The following DLC1 variants were observed in gnomAD, a reference collection of about 807,000 sequenced individuals.
The protein encoded by DLC1 is DLC1 Rho GTPase activating protein.
A neutral mutation model predicts 140.3 loss-of-function variants in DLC1; 54 were observed. The ratio of observed to expected loss-of-function variants is 0.38; its 90% CI spans 0.31 to 0.48. DLC1 has a LOEUF of 0.48. DLC1 is among the 20% of genes least tolerant of loss of function. DLC1 has a pLI of 0.96. For missense variants in DLC1, 2,536 were observed against 1,907.0 expected (o/e 1.33, Z -6.14); for synonymous variants, 986 against 728.1 (o/e 1.35, Z -5.70).
chr8:13,180,770 C>G (rs948326017), intron 5 of DLC1, among the ~76,000 whole-genome samples: 4 of 152,098 alleles, frequency 2.6e-5, no homozygotes, highest in Non-Finnish European at 5.9e-5. Flanking sequence ...AAACCAAAAC[C>G]ATCACATGAA....
At chr8:13,278,798 A>G (rs1831263356) in intron 5 of DLC1, among the ~76,000 whole-genome samples, 1 of 152,224 alleles carries the variant, frequency 6.6e-6, no homozygotes, top group Non-Finnish European at 1.5e-5. Context: ...ATAAGCATTC[A>G]TTAAGTCCCT....
intron 5 of DLC1, chr8:13,276,251 C>T: frequency 2.6e-6 from 4 of 1,535,430 alleles, no homozygotes; most frequent in Non-Finnish European, 1.7e-6. Flanking sequence ...CAATCCCCCT[C>T]TGCCTCTCAC....
intron 4 of DLC1, among the ~76,000 whole-genome samples, chr8:13,314,309 AATATACATATATATT>A (rs1832785811): frequency 6.7e-6 from 1 of 148,348 alleles, no homozygotes; most frequent in Non-Finnish European, 1.5e-5. Flanking sequence ...GTATATATAT[AATATACATATATATT>A]ATAAATATAT....
intron 5 of DLC1, among the ~76,000 whole-genome samples, chr8:13,199,587 T>C (rs1025776243): frequency 6.6e-6 from 1 of 152,200 alleles, no homozygotes. Context: ...GTATTTTTAA[T>C]ATACTTCAAC....
chr8:13,386,431 T>A (rs187889353), intron 4 of DLC1, among the ~76,000 whole-genome samples: 145 of 152,168 alleles, frequency 9.5e-4, no homozygotes, highest in African/African-American at 3.3e-3. Flanking sequence ...TATATCAAGA[T>A]ACAAGTTATT....
intron 2 of DLC1, among the ~76,000 whole-genome samples, chr8:13,434,800 T>C (rs1839042074): frequency 6.6e-6 from 1 of 152,260 alleles, no homozygotes; most frequent in South Asian, 2.1e-4. Context: ...CACCTCAGCC[T>C]CCTGAGTAGC....
intron 5 of DLC1, among the ~76,000 whole-genome samples, chr8:13,258,129 G>A (rs941910618): frequency 2.0e-5 from 3 of 152,172 alleles, no homozygotes; most frequent in Non-Finnish European, 4.4e-5. Context: ...CAAATCACAA[G>A]TGCAAGGGTA....
chr8:13,537,569 G>C (rs1018041959), intron 1 of DLC1, among the ~76,000 whole-genome samples: 3 of 150,654 alleles, frequency 2.0e-5, no homozygotes, highest in South Asian at 2.1e-4. Flanking sequence ...GATCAGTGCA[G>C]AGTGACAGTA....
At chr8:13,273,824 G>T (rs1027555245) in intron 5 of DLC1, among the ~76,000 whole-genome samples, 1 of 151,608 alleles carries the variant, frequency 6.6e-6, no homozygotes, top group Non-Finnish European at 1.5e-5. Context: ...AACTTAAAAT[G>T]TTATCCCACG....
intron 5 of DLC1, among the ~76,000 whole-genome samples, chr8:13,289,430 G>A (rs1043293001): frequency 6.6e-6 from 1 of 152,052 alleles, no homozygotes; most frequent in African/African-American, 2.4e-5. Flanking sequence ...GGCCTCAAGT[G>A]ATCCTCCTAC....
chr8:13,324,572 CAAAAAAA>C (rs5889431), intron 4 of DLC1, among the ~76,000 whole-genome samples: 2 of 110,266 alleles, frequency 1.8e-5, no homozygotes, highest in South Asian at 6.7e-4. Flanking sequence ...GACTCCGTCT[CAAAAAAA>C]AAAAAAAAAA....
intron 5 of DLC1, among the ~76,000 whole-genome samples, chr8:13,196,934 T>C (rs531977413): frequency 1.3e-5 from 2 of 152,254 alleles, no homozygotes; most frequent in African/African-American, 2.4e-5. Flanking sequence ...TTCTACAGTT[T>C]ATTTTTTCTT....
At chr8:13,464,776 ATATATATATATATAT>A (rs1799853954) in intron 2 of DLC1, among the ~76,000 whole-genome samples, 1 of 127,604 alleles carries the variant, frequency 7.8e-6, no homozygotes, top group African/African-American at 2.7e-5. Flanking sequence ...TTATATATAT[ATATATATATATATAT>A]TTATGCTTAA....
chr8:13,467,215 A>T (rs75538567), intron 2 of DLC1, among the ~76,000 whole-genome samples: 253 of 152,284 alleles, frequency 1.7e-3, no homozygotes, highest in African/African-American at 5.6e-3. Flanking sequence ...TAATTGCCTG[A>T]TTATTCTTAG....
chr8:13,542,635 C>G (rs1245189110), intron 1 of DLC1, among the ~76,000 whole-genome samples: 3 of 152,044 alleles, frequency 2.0e-5, no homozygotes, highest in South Asian at 4.2e-4. Context: ...CATGGGAGAG[C>G]TACACATTTA....
intron 5 of DLC1, among the ~76,000 whole-genome samples, chr8:13,289,839 C>T (rs1393334136): frequency 6.6e-6 from 1 of 152,178 alleles, no homozygotes; most frequent in Non-Finnish European, 1.5e-5. Flanking sequence ...CTCTTTTTGT[C>T]TCCCTGCCAT....
intron 4 of DLC1, among the ~76,000 whole-genome samples, chr8:13,359,613 G>T (rs905950392): frequency 1.1e-4 from 16 of 152,152 alleles, no homozygotes; most frequent in Admixed American, 5.9e-4. Context: ...GTCTACAACA[G>T]CAATCATAAG....
chr8:13,474,266 C>T (rs1800340295), intron 2 of DLC1, among the ~76,000 whole-genome samples: 2 of 152,184 alleles, frequency 1.3e-5, no homozygotes, highest in East Asian at 1.9e-4. Context: ...GTCTTGGCAG[C>T]TTCCACATGG....
At chr8:13,113,036 T>C (rs1820247145) in intron 6 of DLC1, among the ~76,000 whole-genome samples, 1 of 152,238 alleles carries the variant, frequency 6.6e-6, no homozygotes, top group Admixed American at 6.5e-5. Context: ...AGAGCCATAT[T>C]TTAGATTCCT....
Sources: allele counts gnomAD v4.1 joint callset (sites outside exome capture counted in the v4.1 genomes callset), GRCh38; gene constraint gnomAD v4.1.1; transcripts MANE v1.5; gene names NCBI Gene and HGNC (gene_info 2026-07-23, HGNC 2026-07-21).